PLCB1: variants seen among roughly 807,000 people sequenced by gnomAD.
The protein encoded by PLCB1 is phospholipase C beta 1.
In PLCB1, 46 loss-of-function variants were observed where a neutral mutation model predicts 161.8. The ratio of observed to expected loss-of-function variants is 0.28; its 90% confidence interval spans 0.22 to 0.36. The LOEUF (loss-of-function observed/expected upper bound fraction) is 0.36. Ranked by LOEUF, PLCB1 falls within the 10% of genes least tolerant of loss-of-function variation. PLCB1 has a pLI of 1.00. For missense variants in PLCB1, 1,016 were observed against 1,472.5 expected (o/e 0.69, Z 5.07); for synonymous variants, 517 against 503.7 (o/e 1.03, Z -0.35).
intron 31 of PLCB1, chr20:8,802,173 G>A: frequency 3.2e-6 from 5 of 1,554,212 alleles, no homozygotes; most frequent in South Asian, 1.1e-5. Flanking sequence ...CTTCCGGCCA[G>A]GTAGGACTGG....
At chr20:8,541,334 G>A (rs1985307296) in intron 3 of PLCB1, among the ~76,000 whole-genome samples, 1 of 152,116 alleles carries the variant, frequency 6.6e-6, no homozygotes, top group Non-Finnish European at 1.5e-5. Flanking sequence ...GAGAGCCTTT[G>A]AAAGCCTTGG....
At chr20:8,374,611 A>G (rs182010539) in intron 3 of PLCB1, among the ~76,000 whole-genome samples, 1 of 152,304 alleles carries the variant, frequency 6.6e-6, no homozygotes, top group African/African-American at 2.4e-5. Context: ...ACCTTGTAGA[A>G]GAAGGTGTAG....
chr20:8,537,589 G>A (rs995931228), intron 3 of PLCB1, among the ~76,000 whole-genome samples: 1 of 152,026 alleles, frequency 6.6e-6, no homozygotes, highest in South Asian at 2.1e-4. Context: ...TTCCTGCCCC[G>A]CTCATGCCTG....
chr20:8,676,319 C>A (rs1328218499), intron 9 of PLCB1, among the ~76,000 whole-genome samples: 1 of 151,886 alleles, frequency 6.6e-6, no homozygotes, highest in Non-Finnish European at 1.5e-5. Context: ...CAAGATAACA[C>A]CACTGCACTC....
chr20:8,634,439 T>C (rs987149399), intron 4 of PLCB1, among the ~76,000 whole-genome samples: 1 of 152,192 alleles, frequency 6.6e-6, no homozygotes, highest in African/African-American at 2.4e-5. Context: ...ACTTCGTCTA[T>C]ATCAGTTTCT....
chr20:8,829,551 G>A (rs2876145), intron 31 of PLCB1, among the ~76,000 whole-genome samples: 43,956 of 152,124 alleles, frequency 0.29, 6,518 homozygotes, highest in Middle Eastern at 0.41. Context: ...GTGTTTTGTA[G>A]ATGGATTTGA....
intron 3 of PLCB1, among the ~76,000 whole-genome samples, chr20:8,546,647 C>T (rs571950644): frequency 2.6e-5 from 4 of 152,198 alleles, no homozygotes; most frequent in Admixed American, 2.0e-4. Context: ...TAAGTATATT[C>T]AGCACAGAGC....
At chr20:8,445,216 T>C (rs957282712) in intron 3 of PLCB1, among the ~76,000 whole-genome samples, 3 of 152,210 alleles carry the variant, frequency 2.0e-5, no homozygotes, top group Non-Finnish European at 4.4e-5. Context: ...CTTGAATTGA[T>C]TTTTGTATAA....
Position 8,340,417 on chromosome 20 carries a change from T to G in PLCB1, c.178-30965T>G, listed in dbSNP as rs185402090. On this transcript the variant is annotated intron_variant, in intron 2 of 31. Transcript: ENST00000338037. ...TTAATATATTGTTAAATTCTAGTTT[T>G]TTTTTGTTTTTGTTTTTGTTTTTGA... Among the ~76,000 whole-genome samples the G allele has an allele frequency of 2.0e-3, 303 of 152,286 alleles. 2 individuals carry two copies. Among genetic ancestry groups the G allele is most frequent in the African/African-American group, 5.9e-3 (247 of 41,544 alleles).
chr20:8,471,024 C>A (rs1982029866), intron 3 of PLCB1, among the ~76,000 whole-genome samples: 1 of 152,008 alleles, frequency 6.6e-6, no homozygotes, highest in Non-Finnish European at 1.5e-5. Context: ...CTAAGTTTTA[C>A]CAATTATGAA....
At chr20:8,238,862 T>A (rs1980458334) in intron 2 of PLCB1, among the ~76,000 whole-genome samples, 1 of 133,780 alleles carries the variant, frequency 7.5e-6, no homozygotes, top group South Asian at 2.6e-4. Context: ...AGTAAATGGG[T>A]GGCTGGGGGG....
intron 1 of PLCB1, among the ~76,000 whole-genome samples, chr20:8,142,824 G>T (rs1454654662): frequency 6.6e-6 from 1 of 152,172 alleles, no homozygotes. Context: ...TATTCTTTGT[G>T]TACAGAGGCA....
intron 2 of PLCB1, among the ~76,000 whole-genome samples, chr20:8,364,546 A>G (rs1036036061): frequency 2.6e-5 from 4 of 152,214 alleles, no homozygotes; most frequent in African/African-American, 9.6e-5. Context: ...GGTAAAGATG[A>G]GTCTGACTTG....
intron 3 of PLCB1, among the ~76,000 whole-genome samples, chr20:8,490,300 C>A (rs1982892201): frequency 6.6e-6 from 1 of 152,162 alleles, no homozygotes; most frequent in African/African-American, 2.4e-5. Flanking sequence ...TCTCCAGAAT[C>A]TGGAGTGCAG....
chr20:8,256,901 A>G (rs1173729120), intron 2 of PLCB1: 1 of 152,168 alleles, frequency 6.6e-6, no homozygotes, highest in Non-Finnish European at 1.5e-5. Flanking sequence ...TGTAATAAAT[A>G]TTTTGCATTT....
intron 10 of PLCB1, among the ~76,000 whole-genome samples, chr20:8,687,041 C>A (rs200908713): frequency 8.7e-5 from 9 of 103,476 alleles, no homozygotes; most frequent in African/African-American, 2.9e-4. Context: ...TATTATTATT[C>A]TTGAGACAGG....
At chr20:8,684,136 G>A (rs1207619939) in intron 9 of PLCB1, among the ~76,000 whole-genome samples, 6 of 152,046 alleles carry the variant, frequency 3.9e-5, no homozygotes, top group South Asian at 4.2e-4. Context: ...TGCCCACCTT[G>A]GCCTCCCAAA....
intron 31 of PLCB1, among the ~76,000 whole-genome samples, chr20:8,821,907 G>A (rs551592915): frequency 9.9e-5 from 15 of 152,088 alleles, no homozygotes; most frequent in Admixed American, 5.2e-4. Flanking sequence ...TGCTTCTCCT[G>A]TTTCTGCTGC....
chr20:8,698,526 G>T (rs1990630938), intron 11 of PLCB1, among the ~76,000 whole-genome samples: 1 of 152,120 alleles, frequency 6.6e-6, no homozygotes, highest in African/African-American at 2.4e-5. Context: ...TCCATTCTGT[G>T]ATGCTATCTT....
Sources: gnomAD v4.1 joint callset for allele counts (sites outside exome capture counted in the v4.1 genomes callset) on GRCh38, gnomAD v4.1.1 for gene constraint, MANE v1.5 for transcripts, NCBI Gene and HGNC (gene_info 2026-07-23, HGNC 2026-07-21) for gene names.